The following SDR16C5 variants were observed in gnomAD, a reference collection of about 807,000 sequenced individuals.
SDR16C5 encodes short chain dehydrogenase/reductase family 16C member 5.
In SDR16C5, 20 loss-of-function variants were observed where a neutral mutation model predicts 27.7. That is an observed-to-expected ratio of 0.72 (90% CI 0.51 to 1.05). The LOEUF is 1.05. Among genes scored for constraint, SDR16C5 ranks in the 50% least tolerant of loss-of-function variants. SDR16C5 has a pLI of 0.00. For missense variants in SDR16C5, 374 were observed against 366.3 expected, an observed-to-expected ratio of 1.02 and a Z score of -0.17; for synonymous variants, 139 against 132.3, an observed-to-expected ratio of 1.05 and a Z score of -0.35.
At chr8:56,303,819 T>G (rs748203429) in intron 6 of SDR16C5, 17 of 608,146 alleles carry the variant, frequency 2.8e-5, no homozygotes, top group Non-Finnish European at 4.4e-5. Flanking sequence ...CTGCCATCTA[T>G]TAAGCAAAAA....
At chr8:56,319,010 T>C (rs879669189) in intron 1 of SDR16C5, among the ~76,000 whole-genome samples, 3 of 151,392 alleles carry the variant, frequency 2.0e-5, no homozygotes, top group Non-Finnish European at 4.4e-5. Flanking sequence ...TAATAGTGCA[T>C]AGGAATACTT....
chr8:56,311,052 TGGA>T (rs1305984681), intron 3 of SDR16C5, among the ~76,000 whole-genome samples: 1 of 152,034 alleles, frequency 6.6e-6, no homozygotes, highest in Non-Finnish European at 1.5e-5. Context: ...GTGAGGAGAA[TGGA>T]GGAGGAGCTC....
At chr8:56,309,387 T>A (rs1181497940) in intron 3 of SDR16C5, 11 of 985,418 alleles carry the variant, frequency 1.1e-5, no homozygotes, top group Non-Finnish European at 1.3e-5. Flanking sequence ...GATTGCCTTC[T>A]CTCTGCTTAG....
At chr8:56,310,519 AC>A (rs1319776427) in intron 3 of SDR16C5, among the ~76,000 whole-genome samples, 1 of 151,838 alleles carries the variant, frequency 6.6e-6, no homozygotes, top group Non-Finnish European at 1.5e-5. Flanking sequence ...AGAGATGGAG[AC>A]CAGCCTGGCC....
intron 6 of SDR16C5, among the ~76,000 whole-genome samples, chr8:56,303,000 A>T (rs1458416632): frequency 6.6e-6 from 1 of 151,252 alleles, no homozygotes. Flanking sequence ...ATTAAAGAGT[A>T]AAATTAAAAA....
intron 1 of SDR16C5, among the ~76,000 whole-genome samples, chr8:56,317,253 T>G (rs1276500081): frequency 6.6e-6 from 1 of 152,126 alleles, no homozygotes; most frequent in Non-Finnish European, 1.5e-5. Flanking sequence ...GTTATCACAT[T>G]TCTCAGATTC....
intron 5 of SDR16C5, 48 bp from the exon 6 acceptor site, chr8:56,305,770 T>G: frequency 6.5e-7 from 1 of 1,543,864 alleles, no homozygotes; most frequent in Non-Finnish European, 8.7e-7. Context: ...AAGGCCAAAT[T>G]CATAAATAAA....
chr8:56,316,485 C>G (rs1051762514), intron 1 of SDR16C5, 124 bp from the exon 2 acceptor site: 7 of 641,598 alleles, frequency 1.1e-5, no homozygotes, highest in Non-Finnish European at 1.9e-5. Context: ...AAACAGCTCT[C>G]CTGGTAGCAG....
intron 5 of SDR16C5, 67 bp downstream of exon 5, chr8:56,306,609 A>G: frequency 7.2e-7 from 1 of 1,384,812 alleles, no homozygotes; most frequent in South Asian, 1.4e-5. Flanking sequence ...CTTAAAAAAA[A>G]GAACAAAATA....
chr8:56,314,627 G>C (rs1815141743), intron 2 of SDR16C5, among the ~76,000 whole-genome samples: 1 of 152,210 alleles, frequency 6.6e-6, no homozygotes, highest in Non-Finnish European at 1.5e-5. Flanking sequence ...GCTTGGAAGA[G>C]TGGGCCCAGC....
chr8:56,314,344 T>C (rs1387432577), intron 2 of SDR16C5, among the ~76,000 whole-genome samples: 1 of 152,228 alleles, frequency 6.6e-6, no homozygotes, highest in Non-Finnish European at 1.5e-5. Context: ...CCCACAGTGA[T>C]AAAACCTGAA....
At chr8:56,306,419 G>T (rs186842235) in intron 5 of SDR16C5, among the ~76,000 whole-genome samples, 2 of 152,276 alleles carry the variant, frequency 1.3e-5, no homozygotes, top group Non-Finnish European at 2.9e-5. Context: ...AGGGGATGTG[G>T]CCCTGAGAGT....
intron 2 of SDR16C5, among the ~76,000 whole-genome samples, chr8:56,312,615 G>T (rs1585917035): frequency 6.6e-6 from 1 of 152,006 alleles, no homozygotes; most frequent in East Asian, 1.9e-4. Context: ...TGAGGCAGGA[G>T]AATTGCTTAA....
intron 3 of SDR16C5, among the ~76,000 whole-genome samples, chr8:56,311,393 G>A (rs1815041355): frequency 6.6e-6 from 1 of 152,142 alleles, no homozygotes; most frequent in Non-Finnish European, 1.5e-5. Context: ...TCCAGCCTGG[G>A]AGACAGAATG....
Position 56,300,374 on chromosome 8 carries a change from C to T in SDR16C5, c.*1106G>A, listed in dbSNP as rs1467562264. 4 of 152,130 alleles carry T rather than the reference C, an allele frequency of 2.6e-5. No homozygotes were observed. The highest frequency in any genetic ancestry group is 4.4e-5 in the Non-Finnish European group (3 of 68,048). 9.4% of individuals were successfully genotyped at this position (152,130 alleles called of 1,614,324 possible). A position where few individuals can be genotyped will look rare whatever the true frequency, so the allele number is the denominator to read the frequency against. ...TTTTACCGGGTCTCCCAAGGTACCG[C>T]TCATCCCCTCCTTGCTCCCCACAAG... is the stretch of plus-strand genomic sequence containing the variant. On this transcript the variant is annotated 3_prime_UTR_variant, in exon 7 of 7. Coordinates refer to ENST00000303749, the MANE Select transcript of SDR16C5 (RefSeq NM_138969.4).
At chr8:56,316,469 T>G in intron 1 of SDR16C5, 108 bp from the exon 2 acceptor site, 1 of 686,904 alleles carries the variant, frequency 1.5e-6, no homozygotes, top group Middle Eastern at 4.1e-4. Flanking sequence ...CTGAGATATG[T>G]GATTTAAACA....
intron 1 of SDR16C5, 33 bp from the exon 2 acceptor site, chr8:56,316,394 A>G: frequency 7.3e-7 from 1 of 1,374,224 alleles, no homozygotes; most frequent in East Asian, 2.3e-5. Flanking sequence ...ATGAAGACTT[A>G]TTTGTCCATT....
rs926498967 is a variant in SDR16C5, at chr8:56,309,343, C to T, written c.466-316G>A. ...TAAATCTTTGTTGTGGCAGCCACAA[C>T]CCCAAACCTCACAAACATGATGCTT... is the stretch of plus-strand genomic sequence containing the variant. On this transcript the variant is annotated intron_variant, in intron 3 of 6. Coordinates refer to ENST00000303749, the MANE Select transcript of SDR16C5 (RefSeq NM_138969.4). The T allele has an allele frequency of 1.5e-5, 15 of 985,208 alleles. No individual in the cohort carries two copies. The African/African-American group carries it at 2.6e-4, about 17-fold the overall frequency. The allele number at this position is 985,208 out of a possible 1,614,324, so 61.0% of individuals were successfully genotyped here.
intron 3 of SDR16C5, among the ~76,000 whole-genome samples, chr8:56,311,566 T>C (rs1815045248): frequency 1.3e-5 from 2 of 151,944 alleles, no homozygotes; most frequent in Non-Finnish European, 2.9e-5. Context: ...TGGAATTGAG[T>C]GGGTGGCTTT....
Sources: allele counts gnomAD v4.1 joint callset (sites outside exome capture counted in the v4.1 genomes callset), GRCh38; gene constraint gnomAD v4.1.1; transcripts MANE v1.5; gene names NCBI Gene and HGNC (gene_info 2026-07-23, HGNC 2026-07-21).